MTARC1: variants seen among roughly 807,000 people sequenced by gnomAD.
MTARC1 encodes mitochondrial amidoxime-reducing component 1.
MTARC1 carries 24 observed loss-of-function variants against 33.6 expected under a neutral mutation model. The ratio of observed to expected loss-of-function variants is 0.72; its 90% CI spans 0.52 to 1.01. The LOEUF (loss-of-function observed/expected upper bound fraction) is 1.01, where lower values mean the gene tolerates loss of function less well. Among genes scored for constraint, MTARC1 ranks in the 50% least tolerant of loss-of-function variants. The probability of loss-of-function intolerance (pLI) is 0.00; values close to 1 mark genes in which losing one functional copy is unlikely to be tolerated. For synonymous variants in MTARC1, 187 were observed against 189.5 expected (o/e 0.99, Z 0.11); for missense variants, 417 against 445.7 (o/e 0.94, Z 0.58).
At chr1:220,788,811 ATCCATGTT>A (rs1475809724) in intron 1 of MTARC1, among the ~76,000 whole-genome samples, 1 of 151,052 alleles carries the variant, frequency 6.6e-6, no homozygotes, top group East Asian at 1.9e-4. Context: ...AAAAAAAAAA[ATCCATGTT>A]TCGTATAGTA....
rs1673279201 is a variant in MTARC1, at chr1:220,816,313, T to C, written c.*2895T>C. On this transcript the variant is annotated 3_prime_UTR_variant, in exon 7 of 7. Transcript: ENST00000366910. ...TGTATCAAATTAAAGCAACCCATGA[T>C]GGTGGAGAACAGATACATTAAAGTT... 1 of 152,218 alleles carries C rather than the reference T, an allele frequency of 6.6e-6. No homozygotes were observed. Among genetic ancestry groups the C allele is most frequent in the East Asian group, 1.9e-4 (1 of 5,190 alleles). The allele number at this position is 152,218 out of a possible 1,614,324, so 9.4% of individuals were successfully genotyped here.
At chr1:220,797,660 G>T (rs1672664554) in intron 3 of MTARC1, 1 of 559,662 alleles carries the variant, frequency 1.8e-6, no homozygotes, top group Non-Finnish European at 3.2e-6. Context: ...CTGAGTCCTT[G>T]TTCCCTTCAT....
At chr1:220,808,831 A>C (rs759802100) in intron 6 of MTARC1, 1 of 471,152 alleles carries the variant, frequency 2.1e-6, no homozygotes, top group Non-Finnish European at 4.4e-6. Context: ...GAAGATATGA[A>C]AATGGAATTT....
intron 4 of MTARC1, among the ~76,000 whole-genome samples, chr1:220,800,349 A>G (rs1310925332): frequency 6.6e-6 from 1 of 152,182 alleles, no homozygotes; most frequent in Non-Finnish European, 1.5e-5. Context: ...CTGTGAATAG[A>G]CACATGAGAA....
intron 1 of MTARC1, among the ~76,000 whole-genome samples, chr1:220,789,761 A>G (rs891557879): frequency 2.0e-5 from 3 of 152,278 alleles, no homozygotes. Flanking sequence ...GATATGTGCT[A>G]CAACATGGAT....
chr1:220,794,276 T>TG (rs1450730135), intron 2 of MTARC1: 1 of 151,128 alleles, frequency 6.6e-6, no homozygotes, highest in African/African-American at 2.4e-5. Flanking sequence ...GTGATTTTTT[T>TG]TTTTTTTCTC....
rs1440228549 is a variant in MTARC1, at chr1:220,806,933, G to A, written c.887+1659G>A. On this transcript the variant is annotated intron_variant, in intron 6 of 6. Coordinates refer to ENST00000366910, the MANE Select transcript of MTARC1 (RefSeq NM_022746.4). ...TACTCAAGGAATCCTTAGGTGGATA[G>A]CAAGCAGCTGGTCTCTACCTGGCTC... Among the ~76,000 whole-genome samples the A allele has an allele frequency of 3.9e-5, 6 of 152,320 alleles. No homozygotes were observed. The East Asian group carries it at 9.7e-4, about 25-fold the overall frequency.
At chr1:220,798,686 G>A in intron 4 of MTARC1, 1 of 758,754 alleles carries the variant, frequency 1.3e-6, no homozygotes, top group Non-Finnish European at 1.6e-6. Flanking sequence ...ATGGTGAGTG[G>A]CCACCAGCTG....
At chr1:220,811,689 A>G (rs1673139285) in intron 6 of MTARC1, among the ~76,000 whole-genome samples, 1 of 152,250 alleles carries the variant, frequency 6.6e-6, no homozygotes, top group Non-Finnish European at 1.5e-5. Context: ...ACTGAAGGTT[A>G]ACTTCTTCCC....
At position 220,813,629 on chromosome 1, in the gene MTARC1, A is replaced by C. The variant is rs1673208121; in HGVS notation, c.*211A>C. ...AATATAGTCTCAATAACTTAGTAGG[A>C]CTTCAGTAAGTCACTTAAATGACAA... is the stretch of plus-strand genomic sequence containing the variant. On this transcript the variant is annotated 3_prime_UTR_variant, in exon 7 of 7. Transcript: ENST00000366910. 1 of 547,396 alleles carries C rather than the reference A, an allele frequency of 1.8e-6. No homozygotes were observed. The highest frequency in any genetic ancestry group is 3.2e-6 in the Non-Finnish European group (1 of 316,002). The allele number at this position is 547,396 out of a possible 1,614,324, so 33.9% of individuals were successfully genotyped here.
chr1:220,805,572 T>C lies in MTARC1; in HGVS notation c.887+298T>C, dbSNP rs139760969. Among the ~76,000 whole-genome samples, 10 of 152,296 alleles carry C rather than the reference T, an allele frequency of 6.6e-5. 1 individual carries two copies. In the East Asian group the frequency reaches 1.9e-3, roughly 29 times the overall value. On this transcript the variant is annotated intron_variant, in intron 6 of 6. Coordinates refer to ENST00000366910, the MANE Select transcript of MTARC1 (RefSeq NM_022746.4). Reference sequence around the variant, plus strand: ...TTATTACGGGCTAAGTATTAGATGATACCAAAAAATGTACTAGGTGTCCTA... The same window carrying C: ...TTATTACGGGCTAAGTATTAGATGACACCAAAAAATGTACTAGGTGTCCTA...
intron 2 of MTARC1, among the ~76,000 whole-genome samples, chr1:220,796,148 T>TTA (rs1004882455): frequency 2.0e-5 from 3 of 152,110 alleles, no homozygotes; most frequent in Middle Eastern, 3.4e-3. Flanking sequence ...TTAATGATTG[T>TTA]TATATATATA....
chr1:220,800,265 A>G (rs567546313), intron 4 of MTARC1, among the ~76,000 whole-genome samples: 191 of 152,334 alleles, frequency 1.3e-3, no homozygotes, highest in African/African-American at 3.4e-3. Context: ...CGGTAACACA[A>G]TGGTGGCTGA....
chr1:220,800,327 G>A (rs1672753326), intron 4 of MTARC1, among the ~76,000 whole-genome samples: 1 of 152,218 alleles, frequency 6.6e-6, no homozygotes, highest in African/African-American at 2.4e-5. Flanking sequence ...TGCTGCCCCT[G>A]TGTGGCATGC....
intron 4 of MTARC1, among the ~76,000 whole-genome samples, chr1:220,803,289 G>C (rs554979849): frequency 2.6e-5 from 4 of 152,036 alleles, no homozygotes; most frequent in African/African-American, 9.7e-5. Context: ...AAAAAGCATG[G>C]GAAAGACCCG....
At position 220,805,102 on chromosome 1, in the gene MTARC1, G is replaced by A. The variant is rs2642419; in HGVS notation, c.804G>A (p.Met268Ile). ...GTGACGTGGAACTGAAAAGGGTGAT[G>A]GCTTGTTCCAGGTAAGGTGCTTTCC... ...LIGDVELKRV[M>I]ACSRCILTTV... The change falls in exon 5 of 7, where the codon ATG becomes ATA. Residue 268 changes from methionine to isoleucine, a missense_variant. By Grantham distance (10) the Met-to-Ile change is conservative (BLOSUM62 1). Coordinates refer to ENST00000366910, the MANE Select transcript of MTARC1 (RefSeq NM_022746.4). 179 of 1,614,154 alleles carry A rather than the reference G, an allele frequency of 1.1e-4. 1 individual carries two copies. The African/African-American group carries it at 2.2e-3, about 20-fold the overall frequency.
In MTARC1 at chr1:220,808,565, G is replaced by A. The variant is rs1391049639; in HGVS notation, c.887+3291G>A. ...GGTGTCCACAGCCTCTCTGCTATTG[G>A]GCAGGTTGCTCAGAGCTACACCACT... On this transcript the variant is annotated intron_variant, in intron 6 of 6. Transcript: ENST00000366910. 2.6e-5 allele frequency among the ~76,000 whole-genome samples: 4 copies of A among 152,190 alleles called. No individual in the cohort carries two copies. In the East Asian group the frequency reaches 7.7e-4, roughly 29 times the overall value.
chr1:220,804,217 G>C (rs1191155140), intron 4 of MTARC1, among the ~76,000 whole-genome samples: 1 of 152,024 alleles, frequency 6.6e-6, no homozygotes, highest in Non-Finnish European at 1.5e-5. Context: ...TTTAGACTCA[G>C]CACCCATCTT....
At chr1:220,790,235 TG>T (rs2102584182) in intron 1 of MTARC1, among the ~76,000 whole-genome samples, 1 of 152,298 alleles carries the variant, frequency 6.6e-6, no homozygotes, top group Non-Finnish European at 1.5e-5. Context: ...TATATTTTAC[TG>T]CAATTAAAAA....
Sources: gnomAD v4.1 joint callset for allele counts (sites outside exome capture counted in the v4.1 genomes callset) on GRCh38, gnomAD v4.1.1 for gene constraint, MANE v1.5 for transcripts, NCBI Gene and HGNC (gene_info 2026-07-23, HGNC 2026-07-21) for gene names.